The following TNFRSF19 variants were observed in gnomAD, a reference collection of about 807,000 sequenced individuals.
TNFRSF19 encodes the protein tumor necrosis factor receptor superfamily member 19.
In TNFRSF19, 27 loss-of-function variants were observed where a neutral mutation model predicts 46.4. The ratio of observed to expected loss-of-function variants is 0.58; its 90% CI spans 0.43 to 0.80. TNFRSF19 has a LOEUF of 0.80. Ranked by LOEUF, TNFRSF19 falls within the 30% of genes least tolerant of loss-of-function variation. The probability of loss-of-function intolerance (pLI) is 0.00; values close to 1 mark genes in which losing one functional copy is unlikely to be tolerated. For missense variants in TNFRSF19, 511 were observed against 530.8 expected (o/e 0.96, Z 0.37); for synonymous variants, 204 against 205.0 (o/e 1.00, Z 0.04).
rs1322134461 is a variant in TNFRSF19, at chr13:23,674,552, T to A, written c.*1172T>A. On this transcript the variant is annotated 3_prime_UTR_variant, in exon 10 of 10. Transcript: ENST00000248484. ...ACGGTGCTTCTTTCTATTAAAGTGCTCCATCCCCTACCATCTACACATTAG... is the reference window on the plus strand; with the variant it reads ...ACGGTGCTTCTTTCTATTAAAGTGCACCATCCCCTACCATCTACACATTAG... The A allele has an allele frequency of 6.6e-6, 1 of 151,536 alleles. No homozygotes were observed. Among genetic ancestry groups the A allele is most frequent in the Non-Finnish European group, 1.5e-5 (1 of 67,858 alleles). The allele number at this position is 151,536 out of a possible 1,614,324, so 9.4% of individuals were successfully genotyped here. A position where few individuals can be genotyped will look rare whatever the true frequency, so the allele number is the denominator to read the frequency against.
rs1163879064 is a variant in TNFRSF19, at chr13:23,659,535, C to T, written c.610+321C>T. Among the ~76,000 whole-genome samples the T allele has an allele frequency of 6.6e-6, 1 of 152,134 alleles. No homozygotes were observed. Among genetic ancestry groups the T allele is most frequent in the East Asian group, 1.9e-4 (1 of 5,190 alleles). On this transcript the variant is annotated intron_variant, in intron 6 of 9. Transcript: ENST00000248484. This position sits in a 1 kb window ranked among gnomAD's most constrained non-coding sequence, Gnocchi z 4.9. ...TTTTTTGTTTTTTTGGAGACAGAGT[C>T]TGGCTCTGTCACCCAGGCTGGAGGG...
intron 1 of TNFRSF19, among the ~76,000 whole-genome samples, chr13:23,575,272 G>A (rs1367615550): frequency 1.3e-5 from 2 of 152,222 alleles, no homozygotes; most frequent in Admixed American, 6.5e-5. Context: ...TGCAAGTGCT[G>A]CAACTTGTAA....
At chr13:23,593,745 G>A (rs1879490365) in intron 3 of TNFRSF19, among the ~76,000 whole-genome samples, 2 of 152,130 alleles carry the variant, frequency 1.3e-5, no homozygotes, top group South Asian at 4.1e-4. Flanking sequence ...AGGTTAATTT[G>A]CATTAATCAA....
At chr13:23,656,930 G>A (rs901642325) in intron 5 of TNFRSF19, among the ~76,000 whole-genome samples, 2 of 152,078 alleles carry the variant, frequency 1.3e-5, no homozygotes, top group Admixed American at 6.5e-5. Context: ...GATAGAGGCT[G>A]TTTCAGATTA....
In TNFRSF19 at chr13:23,606,063, G is replaced by A. The variant is rs1928112; in HGVS notation, c.181-9804G>A. On this transcript the variant is annotated intron_variant, in intron 3 of 9. Transcript: ENST00000248484. ...GGCGGGGGAGGGCGGGGCATGTAAG[G>A]ACTATCTCTCTACCTTCCTCTCAAT... Among the ~76,000 whole-genome samples the A allele has an allele frequency of 8.3e-3, 1,270 of 152,226 alleles. 28 individuals are homozygous for A. Among genetic ancestry groups the A allele is most frequent in the East Asian group, 0.077 (396 of 5,172 alleles).
intron 5 of TNFRSF19, 122 bp from the exon 6 acceptor site, chr13:23,658,924 TTAAA>T: frequency 2.4e-6 from 3 of 1,258,116 alleles, no homozygotes; most frequent in Non-Finnish European, 3.4e-6. Flanking sequence ...TGAGCCATCT[TTAAA>T]TATCTCATGC....
intron 4 of TNFRSF19, among the ~76,000 whole-genome samples, chr13:23,624,032 A>G (rs947523590): frequency 2.0e-5 from 3 of 152,268 alleles, no homozygotes; most frequent in Non-Finnish European, 2.9e-5. Context: ...GCCATAACTA[A>G]TGTCATGAAG....
intron 7 of TNFRSF19, among the ~76,000 whole-genome samples, chr13:23,667,625 GT>G (rs770018500): frequency 3.9e-5 from 6 of 152,132 alleles, no homozygotes; most frequent in Non-Finnish European, 7.3e-5. Context: ...GTGGCGTTAA[GT>G]ACATTCTCAC....
At chr13:23,608,662 C>G (rs561560708) in intron 3 of TNFRSF19, among the ~76,000 whole-genome samples, 3 of 152,326 alleles carry the variant, frequency 2.0e-5, no homozygotes, top group African/African-American at 7.2e-5. Flanking sequence ...CAACTAGCCA[C>G]TGCGGTTACT....
intron 2 of TNFRSF19, among the ~76,000 whole-genome samples, chr13:23,591,961 G>A (rs1482818587): frequency 1.3e-5 from 2 of 151,948 alleles, no homozygotes; most frequent in South Asian, 2.1e-4. Flanking sequence ...TCTTGACCTC[G>A]TGATCTGCCC....
At chr13:23,583,816 C>T (rs535445559) in intron 1 of TNFRSF19, among the ~76,000 whole-genome samples, 4 of 152,300 alleles carry the variant, frequency 2.6e-5, no homozygotes, top group East Asian at 3.9e-4. Flanking sequence ...GTAAGAAAGA[C>T]TGTGTAGATG....
At chr13:23,655,122 T>TA (rs1883896194) in intron 5 of TNFRSF19, among the ~76,000 whole-genome samples, 1 of 152,222 alleles carries the variant, frequency 6.6e-6, no homozygotes, top group Non-Finnish European at 1.5e-5. Flanking sequence ...TGGGACTTTA[T>TA]AAAAACACTT....
intron 9 of TNFRSF19, among the ~76,000 whole-genome samples, chr13:23,670,050 G>A (rs1951732187): frequency 6.6e-6 from 1 of 152,170 alleles, no homozygotes; most frequent in Admixed American, 6.5e-5. Flanking sequence ...CTGCTCCAGA[G>A]GGGCCTCACT....
chr13:23,620,822 GGCTGGCCCCTGCCA>G lies in TNFRSF19; in HGVS notation c.359+4781_359+4794del, dbSNP rs1383398944. Among the ~76,000 whole-genome samples, 15 of 152,288 alleles carry G rather than the reference GGCTGGCCCCTGCCA, an allele frequency of 9.8e-5. No individual in the cohort carries two copies. In the East Asian group the frequency reaches 2.9e-3, roughly 29 times the overall value. On this transcript the variant is annotated intron_variant, in intron 4 of 9. Transcript: ENST00000248484. The stretch of plus-strand genomic sequence containing the variant: ...GAACTGGAACCCGCCCTGAAGAGTA[GGCTGGCCCCTGCCA>G]GCTCTTTGCTTCTTCTGGTGACAAT...
chr13:23,632,971 A>C (rs1882443874), intron 5 of TNFRSF19, among the ~76,000 whole-genome samples: 1 of 152,212 alleles, frequency 6.6e-6, no homozygotes, highest in Non-Finnish European at 1.5e-5. Context: ...TTTAGTGTGG[A>C]GCAAACAGAC....
chr13:23,640,594 A>G (rs1212325249), intron 5 of TNFRSF19, among the ~76,000 whole-genome samples: 3 of 152,134 alleles, frequency 2.0e-5, no homozygotes, highest in Admixed American at 2.0e-4. Context: ...TCTCCTGCAC[A>G]CCTTCTCCTC....
chr13:23,585,131 T>C (rs902254349), intron 1 of TNFRSF19, among the ~76,000 whole-genome samples: 1 of 152,238 alleles, frequency 6.6e-6, no homozygotes, highest in Non-Finnish European at 1.5e-5. Flanking sequence ...ATATCAACAT[T>C]TTAAAAATGT....
At position 23,659,065 on chromosome 13, in the gene TNFRSF19, A is replaced by G; in HGVS notation, c.461A>G (p.Asn154Ser). 6.2e-7 allele frequency: 1 copy of G among 1,613,774 alleles called. No homozygotes were observed. Among genetic ancestry groups the G allele is most frequent in the Non-Finnish European group, 8.5e-7 (1 of 1,180,034 alleles). ...PYEPHCASKV[N>S]LVKIASTASS... is the part of the protein sequence containing the mutation. ...GTGGTTTCAGGTGCCAGCAAGGTCA[A>G]CCTCGTGAAGATCGCGTCCACGGCC... Residue 154 changes from asparagine to serine, a missense_variant, in exon 6 of 10, where the codon AAC becomes AGC. Coordinates refer to ENST00000248484, the MANE Select transcript of TNFRSF19 (RefSeq NM_148957.4). The surrounding 1 kb of genome is among the most constrained non-coding windows in gnomAD (Gnocchi z 4.9).
chr13:23,629,196 C>T (rs1407953581), intron 5 of TNFRSF19, among the ~76,000 whole-genome samples: 1 of 152,012 alleles, frequency 6.6e-6, no homozygotes, highest in East Asian at 1.9e-4. Flanking sequence ...AAAGTGACAC[C>T]TCTCAAGCTA....
Sources: allele counts gnomAD v4.1 joint callset (sites outside exome capture counted in the v4.1 genomes callset), GRCh38; gene constraint gnomAD v4.1.1; non-coding constraint Gnocchi (gnomAD v3.1); transcripts MANE v1.5; gene names NCBI Gene and HGNC (gene_info 2026-07-23, HGNC 2026-07-21).